CALN1: variants seen among roughly 807,000 people sequenced by gnomAD.
CALN1 encodes the protein calcium-binding protein 8.
Under a neutral mutation model 30.6 loss-of-function variants are expected in CALN1, and 17 were observed. The observed-to-expected ratio is 0.56, with a 90% CI of 0.38 to 0.83. The LOEUF is 0.83. Among genes scored for constraint, CALN1 ranks in the 40% least tolerant of loss-of-function variants. The pLI, the probability that CALN1 is intolerant of heterozygous loss-of-function variation, is 0.00. For missense variants in CALN1, 291 were observed against 354.9 expected (o/e 0.82, Z 1.45); for synonymous variants, 156 against 131.4 (o/e 1.19, Z -1.28).
intron 2 of CALN1, among the ~76,000 whole-genome samples, chr7:72,330,196 G>A (rs1188696139): frequency 6.6e-6 from 1 of 152,050 alleles, no homozygotes; most frequent in East Asian, 1.9e-4. Context: ...CGGATGCTGA[G>A]GCAGGAGAAT....
chr7:72,086,456 A>G (rs538542734), intron 4 of CALN1, among the ~76,000 whole-genome samples: 2 of 152,164 alleles, frequency 1.3e-5, no homozygotes, highest in South Asian at 4.2e-4. Context: ...ATTATTAGAG[A>G]GGAGTCTTGC....
At chr7:72,470,947 C>CTTTG in the CALN1 span, among the ~76,000 whole-genome samples, 72 of 152,100 alleles carry the variant, frequency 4.7e-4, no homozygotes, top group Non-Finnish European at 8.8e-4. Flanking sequence ...TAATGAGATC[C>CTTTG]TTTGTTTGTT....
chr7:72,260,642 T>C (rs533047272), intron 3 of CALN1, among the ~76,000 whole-genome samples: 74 of 152,270 alleles, frequency 4.9e-4, no homozygotes, highest in Admixed American at 4.8e-3. Flanking sequence ...TGATCAATCA[T>C]GCACCTGAAA....
At chr7:72,205,205 CTTTTG>C (rs1035248471) in intron 3 of CALN1, among the ~76,000 whole-genome samples, 24 of 150,636 alleles carry the variant, frequency 1.6e-4, no homozygotes, top group African/African-American at 3.4e-4. Flanking sequence ...TTTTGCTTTT[CTTTTG>C]TTTTGTTTTT....
chr7:72,277,954 C>G (rs1797446240), intron 3 of CALN1, among the ~76,000 whole-genome samples: 1 of 142,418 alleles, frequency 7.0e-6, no homozygotes, highest in South Asian at 2.3e-4. Context: ...TTGACCTCAG[C>G]CGATGTAGTA....
intron 1 of CALN1, among the ~76,000 whole-genome samples, chr7:72,441,196 T>C (rs1808332057): frequency 2.0e-5 from 3 of 152,054 alleles, no homozygotes; most frequent in Admixed American, 2.0e-4. Flanking sequence ...AAGCAAAAGC[T>C]AAAGGAGTCA....
chr7:71,998,519 C>T (rs1328561967), intron 5 of CALN1, among the ~76,000 whole-genome samples: 3 of 151,718 alleles, frequency 2.0e-5, no homozygotes, highest in Admixed American at 6.6e-5. Context: ...ATGTCGATAC[C>T]AGTAAAGTCT....
chr7:72,278,350 C>A (rs1327003113), intron 3 of CALN1, among the ~76,000 whole-genome samples: 1 of 152,040 alleles, frequency 6.6e-6, no homozygotes, highest in Non-Finnish European at 1.5e-5. Flanking sequence ...AAGACAATTC[C>A]ATTGGTGATA....
At position 72,403,437 on chromosome 7, in the gene CALN1, G is replaced by C. The variant is rs1187134173; in HGVS notation, c.-68C>G. 1.5e-6 allele frequency: 2 copies of C among 1,300,420 alleles called. No homozygotes were observed. The highest frequency in any genetic ancestry group is 2.9e-5 in the African/African-American group (2 of 67,880). 80.6% of individuals were successfully genotyped at this position (1,300,420 alleles called of 1,614,324 possible). ...TCAAAGGAACGTCAGCGAAGGCACT[G>C]AGACTCTGAAAGGAGTTGACAGAAA... On this transcript the variant is annotated 5_prime_UTR_variant, in exon 2 of 7. Coordinates refer to ENST00000395275, the MANE Select transcript of CALN1 (RefSeq NM_031468.4).
chr7:71,892,409 G>A (rs1489982640), intron 5 of CALN1, among the ~76,000 whole-genome samples: 1 of 152,170 alleles, frequency 6.6e-6, no homozygotes, highest in African/African-American at 2.4e-5. Context: ...GGCCGAGGTG[G>A]GCGGATTACT....
rs190343269 is a variant in CALN1 at position 71,885,395 on chromosome 7, G to A, written c.502-74903C>T. On this transcript the variant is annotated intron_variant, in intron 5 of 6. Transcript: ENST00000395275. ...TCTTGATCTCCTGATATCGTGATCC[G>A]CCCACCTCGGCCTCCCGAAGTGCTG... Among the ~76,000 whole-genome samples, 1,325 of 152,230 alleles carry A rather than the reference G, an allele frequency of 8.7e-3. 27 individuals are homozygous for A. The highest frequency in any genetic ancestry group is 0.03 in the African/African-American group (1,243 of 41,536).
intron 4 of CALN1, among the ~76,000 whole-genome samples, chr7:72,030,470 C>A (rs1393265686): frequency 1.3e-5 from 2 of 152,134 alleles, no homozygotes; most frequent in Non-Finnish European, 2.9e-5. Flanking sequence ...GACCTCTTTA[C>A]CAGATTTTAA....
intron 6 of CALN1, among the ~76,000 whole-genome samples, chr7:71,788,731 C>G (rs2115846634): frequency 6.6e-6 from 1 of 152,104 alleles, no homozygotes; most frequent in Non-Finnish European, 1.5e-5. Flanking sequence ...GATCTTGGCT[C>G]ACTACAAGCT....
At chr7:72,126,369 AT>A (rs1339154442) in intron 3 of CALN1, among the ~76,000 whole-genome samples, 1 of 152,132 alleles carries the variant, frequency 6.6e-6, no homozygotes, top group Non-Finnish European at 1.5e-5. Context: ...TGCTGCTAAA[AT>A]TTCTTCCAGT....
At chr7:71,877,543 G>A (rs1792320171) in intron 5 of CALN1, among the ~76,000 whole-genome samples, 1 of 151,464 alleles carries the variant, frequency 6.6e-6, no homozygotes, top group Non-Finnish European at 1.5e-5. Flanking sequence ...CAAAAATCTA[G>A]AAATGGAATA....
At chr7:72,438,515 G>A (rs1031441643) in intron 1 of CALN1, among the ~76,000 whole-genome samples, 1 of 152,074 alleles carries the variant, frequency 6.6e-6, no homozygotes, top group Non-Finnish European at 1.5e-5. Context: ...CTTATGTTTT[G>A]CAAGGTCTTC....
At chr7:72,020,566 T>C (rs1369134427) in intron 5 of CALN1, among the ~76,000 whole-genome samples, 1 of 152,188 alleles carries the variant, frequency 6.6e-6, no homozygotes, top group Non-Finnish European at 1.5e-5. Context: ...AGTCGTAAAA[T>C]TCTGAGCTGG....
At chr7:72,424,236 G>C (rs1375396493) in intron 1 of CALN1, among the ~76,000 whole-genome samples, 1 of 152,036 alleles carries the variant, frequency 6.6e-6, no homozygotes, top group Non-Finnish European at 1.5e-5. Flanking sequence ...TTGTTGGGTA[G>C]GAAGATTCTT....
intron 5 of CALN1, among the ~76,000 whole-genome samples, chr7:71,900,947 C>A (rs1793814053): frequency 6.6e-6 from 1 of 152,194 alleles, no homozygotes; most frequent in Admixed American, 6.5e-5. Flanking sequence ...AATGCCCATT[C>A]CAGCCCTTTC....
Sources: allele counts gnomAD v4.1 joint callset (sites outside exome capture counted in the v4.1 genomes callset), GRCh38; gene constraint gnomAD v4.1.1; transcripts MANE v1.5; gene names NCBI Gene and HGNC (gene_info 2026-07-23, HGNC 2026-07-21).